The following CCNG1 variants were observed in gnomAD, a reference collection of about 807,000 sequenced individuals.
CCNG1 encodes cyclin-G1.
A neutral mutation model predicts 30.0 loss-of-function variants in CCNG1; 13 were observed. The observed-to-expected ratio is 0.43, with a 90% CI of 0.28 to 0.69. The LOEUF is 0.69. Ranked by LOEUF, CCNG1 falls within the 30% of genes least tolerant of loss-of-function variation. The pLI is 0.16. For synonymous variants in CCNG1, 110 were observed against 121.5 expected, an observed-to-expected ratio of 0.91 and a Z score of 0.62; for missense variants, 285 against 331.4, an observed-to-expected ratio of 0.86 and a Z score of 1.09.
downstream of CCNG1, chr5:163,446,771 T>G (rs940804938): frequency 6.6e-6 from 1 of 152,208 alleles, no homozygotes; most frequent in Non-Finnish European, 1.5e-5. Context: ...TCCCAGCACT[T>G]TGGGAGGCCA....
chr5:163,452,901 T>G, the CCNG1 span: 1 of 152,208 alleles, frequency 6.6e-6, no homozygotes. Flanking sequence ...ACAGCTGACA[T>G]CTAAATGAAA....
downstream of CCNG1, chr5:163,450,613 G>A (rs1417377680): frequency 6.6e-6 from 1 of 152,176 alleles, no homozygotes; most frequent in Non-Finnish European, 1.5e-5. Flanking sequence ...AAACTAGATA[G>A]AGATCCCATT....
chr5:163,441,553 A>G, intron 3 of CCNG1: 2 of 524,372 alleles, frequency 3.8e-6, no homozygotes, highest in Non-Finnish European at 3.3e-6. Flanking sequence ...GACTTTATAG[A>G]ACCTAGTAGG....
intron 1 of CCNG1, among the ~76,000 whole-genome samples, chr5:163,438,384 GAC>G (rs1757601422): frequency 6.6e-6 from 1 of 152,140 alleles, no homozygotes; most frequent in Admixed American, 6.5e-5. Flanking sequence ...CACATTCAGC[GAC>G]AGATATTGTT....
the CCNG1 span, chr5:163,457,115 TAA>T: frequency 6.6e-7 from 1 of 1,521,382 alleles, no homozygotes; most frequent in Middle Eastern, 1.9e-4. Context: ...CACGCACAAA[TAA>T]ATTAGAGTTC....
the CCNG1 span, chr5:163,452,820 A>G: frequency 6.6e-6 from 1 of 152,232 alleles, no homozygotes; most frequent in Non-Finnish European, 1.5e-5. Flanking sequence ...AAACTAGCCC[A>G]TAATTGTCAA....
Position 163,443,807 on chromosome 5 carries a change from G to C in CCNG1, c.*137G>C. ...AGATAAGCATGATGGTCTCAGACTT[G>C]GGAAAACTGCCTAATATTATGCTGT... On this transcript the variant is annotated 3_prime_UTR_variant, in exon 7 of 7. Transcript: ENST00000340828. 1.1e-6 allele frequency: 1 copy of C among 907,554 alleles called. No homozygotes were observed. The highest frequency in any genetic ancestry group is 2.7e-5 in the East Asian group (1 of 37,334). 56.2% of individuals were successfully genotyped at this position (907,554 alleles called of 1,614,324 possible).
Position 163,439,311 on chromosome 5 carries a change from G to A in CCNG1, c.55G>A (p.Ala19Thr). Residue 19 changes from alanine (A) to threonine (T), a missense_variant, in exon 2 of 7, where the codon GCC becomes ACC. Ala to Thr is a moderately conservative substitution (Grantham distance 58). Coordinates refer to ENST00000340828, the MANE Select transcript of CCNG1 (RefSeq NM_004060.4). ...TCAGAAACTGCTACACCAGCTGAAT[G>A]CCCTGTTGGAACAGGAGTCTAGATG... is the stretch of plus-strand genomic sequence containing the variant. ...DSQKLLHQLN[A>T]LLEQESRCQP... 1 of 1,613,750 alleles carries A rather than the reference G, an allele frequency of 6.2e-7. No individual in the cohort carries two copies. Among genetic ancestry groups the A allele is most frequent in the Non-Finnish European group, 8.5e-7 (1 of 1,179,748 alleles).
downstream of CCNG1, chr5:163,445,907 C>T (rs1758027884): frequency 6.6e-6 from 1 of 151,934 alleles, no homozygotes; most frequent in African/African-American, 2.4e-5. Context: ...CTTTTAGTTT[C>T]AGCCCACTTG....
chr5:163,442,693 A>C, intron 6 of CCNG1, 125 bp downstream of exon 6: 1 of 717,136 alleles, frequency 1.4e-6, no homozygotes, highest in East Asian at 2.6e-5. Context: ...GGGGGAGATG[A>C]CATCACTGAT....
At chr5:163,443,139 C>T (rs1757904199) in intron 6 of CCNG1, among the ~76,000 whole-genome samples, 1 of 152,058 alleles carries the variant, frequency 6.6e-6, no homozygotes, top group African/African-American at 2.4e-5. Context: ...GAAACCCCGT[C>T]TCTGCTAAAA....
downstream of CCNG1, chr5:163,446,001 T>C (rs1758029340): frequency 6.6e-6 from 1 of 152,176 alleles, no homozygotes; most frequent in Non-Finnish European, 1.5e-5. Context: ...ATGTGTTATG[T>C]TAGCCTGCTT....
chr5:163,457,093 C>T, the CCNG1 span: 57 of 1,175,416 alleles, frequency 4.8e-5, no homozygotes, highest in African/African-American at 6.5e-4. Context: ...AAAAAAAAAA[C>T]ACACACACAC....
downstream of CCNG1, chr5:163,450,262 AAAAAAG>A (rs933397757): frequency 6.6e-6 from 1 of 152,188 alleles, no homozygotes; most frequent in Non-Finnish European, 1.5e-5. Context: ...ATGTGAGTCA[AAAAAAG>A]AAAAAAGAAA....
At chr5:163,443,077 A>G (rs1415970344) in intron 6 of CCNG1, among the ~76,000 whole-genome samples, 1 of 152,192 alleles carries the variant, frequency 6.6e-6, no homozygotes, top group Non-Finnish European at 1.5e-5. Context: ...TGGGAGGCCA[A>G]GGCGGGCGGA....
At chr5:163,440,456 AAGAG>A (rs1223098787) in intron 2 of CCNG1, among the ~76,000 whole-genome samples, 1 of 149,410 alleles carries the variant, frequency 6.7e-6, no homozygotes, top group Non-Finnish European at 1.5e-5. Context: ...AGTTTACAAG[AAGAG>A]AGAGAGCACA....
At chr5:163,456,702 A>G in the CCNG1 span, among the ~76,000 whole-genome samples, 1 of 152,238 alleles carries the variant, frequency 6.6e-6, no homozygotes, top group African/African-American at 2.4e-5. Context: ...CATAAAAGTA[A>G]GCTTAAACTC....
the CCNG1 span, chr5:163,453,065 T>C: frequency 1.3e-5 from 2 of 152,188 alleles, no homozygotes; most frequent in African/African-American, 4.8e-5. Context: ...GTAAGATAAT[T>C]TGAAGCAGAT....
chr5:163,456,263 T>C, the CCNG1 span, among the ~76,000 whole-genome samples: 2 of 152,216 alleles, frequency 1.3e-5, no homozygotes, highest in South Asian at 2.1e-4. Context: ...TAGATATTTA[T>C]CTTAAAGATA....
Sources: allele counts gnomAD v4.1 joint callset (sites outside exome capture counted in the v4.1 genomes callset), GRCh38; gene constraint gnomAD v4.1.1; transcripts MANE v1.5; gene names NCBI Gene and HGNC (gene_info 2026-07-23, HGNC 2026-07-21).